Variants in ERGIC1 observed in about 807,000 individuals in gnomAD.
ERGIC1 encodes the protein endoplasmic reticulum-golgi intermediate compartment 1, also known as endoplasmic reticulum-Golgi intermediate compartment protein 1.
In ERGIC1, 19 loss-of-function variants were observed where a neutral mutation model predicts 38.3. The ratio of observed to expected loss-of-function variants is 0.50; its 90% confidence interval spans 0.35 to 0.73. The LOEUF (loss-of-function observed/expected upper bound fraction) is 0.73, where lower values mean the gene tolerates loss of function less well. Ranked by LOEUF, ERGIC1 falls within the 30% of genes least tolerant of loss-of-function variation. The pLI is 0.01. For missense variants in ERGIC1, 294 were observed against 389.2 expected (o/e 0.76, Z 2.06); for synonymous variants, 124 against 157.6 (o/e 0.79, Z 1.60).
intron 3 of ERGIC1, among the ~76,000 whole-genome samples, chr5:172,909,431 A>G (rs1763150891): frequency 6.6e-6 from 1 of 151,822 alleles, no homozygotes; most frequent in South Asian, 2.1e-4. Flanking sequence ...AAGTGCTGGG[A>G]TAACAGGCAT....
intron 1 of ERGIC1, among the ~76,000 whole-genome samples, chr5:172,878,257 T>C (rs1180250681): frequency 6.6e-6 from 1 of 152,084 alleles, no homozygotes; most frequent in Non-Finnish European, 1.5e-5. Context: ...ACATCAGCAT[T>C]ATGTGCTATG....
intron 1 of ERGIC1, among the ~76,000 whole-genome samples, chr5:172,881,713 C>T (rs1346669726): frequency 6.6e-6 from 1 of 152,202 alleles, no homozygotes; most frequent in Non-Finnish European, 1.5e-5. Flanking sequence ...TCTGCCGTGG[C>T]ACTTCATAGG....
intron 8 of ERGIC1, chr5:172,934,785 G>C: frequency 3.7e-6 from 1 of 267,506 alleles, no homozygotes; most frequent in Non-Finnish European, 7.6e-6. Flanking sequence ...GGGGTCCCCA[G>C]CAGCCAGCCA....
intron 1 of ERGIC1, among the ~76,000 whole-genome samples, chr5:172,860,134 G>C (rs916354598): frequency 3.4e-5 from 4 of 119,236 alleles, no homozygotes; most frequent in Admixed American, 2.5e-4. Flanking sequence ...CCAGGGAGGG[G>C]CAGGGACAGA....
chr5:172,834,409 G>A lies in ERGIC1; in HGVS notation c.-5G>A, dbSNP rs1370923739. ...TGCAGCGCTCCCACCCCCGGCGGCG[G>A]CACGATGCCCTTTGACTTCAGGAGG... On this transcript the variant is annotated 5_prime_UTR_variant, in exon 1 of 10. Coordinates refer to ENST00000393784, the MANE Select transcript of ERGIC1 (RefSeq NM_001031711.3). This position sits in a 1 kb window ranked among gnomAD's most constrained non-coding sequence, Gnocchi z 4.1. 2 of 1,333,920 alleles carry A rather than the reference G, an allele frequency of 1.5e-6. No homozygotes were observed. The highest frequency in any genetic ancestry group is 3.9e-5 in the South Asian group (2 of 51,158). The allele number at this position is 1,333,920 out of a possible 1,614,324, so 82.6% of individuals were successfully genotyped here.
chr5:172,870,048 C>A (rs1298484431), intron 1 of ERGIC1, among the ~76,000 whole-genome samples: 2 of 152,164 alleles, frequency 1.3e-5, no homozygotes, highest in Non-Finnish European at 2.9e-5. Context: ...GGCTCTATAA[C>A]TTTTATGTCT....
chr5:172,834,403 G>C lies in ERGIC1; in HGVS notation c.-11G>C. On this transcript the variant is annotated 5_prime_UTR_variant, in exon 1 of 10. Transcript: ENST00000393784. This position sits in a 1 kb window ranked among gnomAD's most constrained non-coding sequence, Gnocchi z 4.1. ...CTGGCCTGCAGCGCTCCCACCCCCG[G>C]CGGCGGCACGATGCCCTTTGACTTC... The C allele has an allele frequency of 7.5e-7, 1 of 1,328,274 alleles. No individual in the cohort carries two copies. 82.3% of individuals were successfully genotyped at this position (1,328,274 alleles called of 1,614,324 possible).
intron 5 of ERGIC1, among the ~76,000 whole-genome samples, chr5:172,921,376 C>T (rs1763515691): frequency 6.6e-6 from 1 of 152,244 alleles, no homozygotes; most frequent in Non-Finnish European, 1.5e-5. Flanking sequence ...TGTCCCTTCT[C>T]CACTGTAGCC....
At position 172,947,048 on chromosome 5, in the gene ERGIC1, G is replaced by T. The variant is rs566697077; in HGVS notation, c.766-3661G>T. Reference sequence around the variant, plus strand: ...AAAATACAAAAATTAGCTGGGCATGGTGGTGGGCACCTGTAATCCCAGCTA... The same window carrying T: ...AAAATACAAAAATTAGCTGGGCATGTTGGTGGGCACCTGTAATCCCAGCTA... On this transcript the variant is annotated intron_variant, in intron 9 of 9. Coordinates refer to ENST00000393784, the MANE Select transcript of ERGIC1 (RefSeq NM_001031711.3). 3.9e-5 allele frequency among the ~76,000 whole-genome samples: 6 copies of T among 152,134 alleles called. No homozygotes were observed. In the South Asian group the frequency reaches 6.2e-4, roughly 16 times the overall value.
chr5:172,835,068 T>A (rs1761001744), intron 1 of ERGIC1, among the ~76,000 whole-genome samples: 1 of 152,182 alleles, frequency 6.6e-6, no homozygotes, highest in Admixed American at 6.5e-5. Context: ...TGGCCTTGGC[T>A]TTCTGCAGTC....
intron 1 of ERGIC1, among the ~76,000 whole-genome samples, chr5:172,839,573 A>G (rs191660812): frequency 1.3e-5 from 2 of 152,058 alleles, no homozygotes; most frequent in East Asian, 3.9e-4. Flanking sequence ...CAAAACACAC[A>G]CACACATACA....
intron 9 of ERGIC1, among the ~76,000 whole-genome samples, chr5:172,939,929 G>A (rs1221070839): frequency 6.6e-6 from 1 of 152,260 alleles, no homozygotes; most frequent in African/African-American, 2.4e-5. Flanking sequence ...GGCCAGGATG[G>A]AAGTGGAGGC....
At chr5:172,903,810 G>A (rs1762946778) in intron 3 of ERGIC1, among the ~76,000 whole-genome samples, 1 of 151,612 alleles carries the variant, frequency 6.6e-6, no homozygotes, top group Non-Finnish European at 1.5e-5. Flanking sequence ...TCAGCCAAGA[G>A]GTGGCAGAGC....
chr5:172,855,763 A>T (rs559817056), intron 1 of ERGIC1, among the ~76,000 whole-genome samples: 8 of 152,298 alleles, frequency 5.3e-5, no homozygotes, highest in South Asian at 2.1e-4. Context: ...GGGCACGGTG[A>T]GGAGTGTGCC....
At chr5:172,897,717 A>T in intron 3 of ERGIC1, 3 of 412,576 alleles carry the variant, frequency 7.3e-6, no homozygotes, top group Non-Finnish European at 8.8e-6. Flanking sequence ...TCACAGGGTC[A>T]TTTGATGTGA....
intron 2 of ERGIC1, 129 bp from the exon 3 acceptor site, chr5:172,896,873 G>A: frequency 2.5e-6 from 2 of 787,708 alleles, no homozygotes; most frequent in African/African-American, 1.7e-5. Flanking sequence ...GTCAGAAGGG[G>A]CTCTGGAGGG....
chr5:172,944,223 C>T (rs1038487123), intron 9 of ERGIC1, among the ~76,000 whole-genome samples: 8 of 152,210 alleles, frequency 5.3e-5, no homozygotes, highest in African/African-American at 1.4e-4. Flanking sequence ...CCCTCATCCC[C>T]GACGGGGAAG....
chr5:172,853,351 G>A (rs1204142874), intron 1 of ERGIC1, among the ~76,000 whole-genome samples: 11 of 152,214 alleles, frequency 7.2e-5, no homozygotes, highest in East Asian at 3.8e-4. Flanking sequence ...TACCCGCAAC[G>A]GCTCCCGTGG....
At chr5:172,880,946 C>CT (rs751416836) in intron 1 of ERGIC1, among the ~76,000 whole-genome samples, 1 of 152,214 alleles carries the variant, frequency 6.6e-6, no homozygotes, top group Non-Finnish European at 1.5e-5. Context: ...GCCCATTTTC[C>CT]TTTTTAAAAA....
Sources: allele counts gnomAD v4.1 joint callset (sites outside exome capture counted in the v4.1 genomes callset), GRCh38; gene constraint gnomAD v4.1.1; non-coding constraint Gnocchi (gnomAD v3.1); transcripts MANE v1.5; gene names NCBI Gene and HGNC (gene_info 2026-07-23, HGNC 2026-07-21).